PPIL1: variants seen among roughly 807,000 people sequenced by gnomAD.
The protein encoded by PPIL1 is peptidylprolyl isomerase like 1.
Under a neutral mutation model 19.4 loss-of-function variants are expected in PPIL1, and 14 were observed. That is an observed-to-expected ratio of 0.72 (90% CI 0.48 to 1.13). The LOEUF (loss-of-function observed/expected upper bound fraction) is 1.13. Among genes scored for constraint, PPIL1 ranks in the 50% most tolerant of loss-of-function variants. The pLI is 0.00. For synonymous variants in PPIL1, 72 were observed against 73.6 expected, an observed-to-expected ratio of 0.98 and a Z score of 0.11; for missense variants, 192 against 218.0, an observed-to-expected ratio of 0.88 and a Z score of 0.75.
chr6:36,855,818 C>G lies in PPIL1; in HGVS notation c.496G>C (p.Gly166Arg), dbSNP rs1161081777. ...DVKIIKAYPS[G>R] ...TGCTCAAGAGGGTAGCAAGTCTACC[C>G]AGAAGGGTATGCCTTAATGATCTTC... The change falls in exon 4 of 4, where the codon GGG becomes CGG. Residue 166 changes from glycine (G) to arginine (R), a missense_variant. Gly to Arg is a moderately radical substitution (Grantham distance 125, BLOSUM62 -2). Transcript: ENST00000373699. The G allele has an allele frequency of 6.2e-7, 1 of 1,614,172 alleles. No homozygotes were observed. Among genetic ancestry groups the G allele is most frequent in the Non-Finnish European group, 8.5e-7 (1 of 1,180,012 alleles).
At chr6:36,865,440 T>A (rs1359285076) in intron 2 of PPIL1, among the ~76,000 whole-genome samples, 1 of 152,190 alleles carries the variant, frequency 6.6e-6, no homozygotes, top group Admixed American at 6.5e-5. Context: ...TTTGATGCAT[T>A]TGTTCTGGGT....
rs1302646650 is a variant in PPIL1 at position 36,854,988 on chromosome 6, G to C, written c.*825C>G. The C allele has an allele frequency of 6.6e-6, 1 of 152,540 alleles. No individual in the cohort carries two copies. The highest frequency in any genetic ancestry group is 1.5e-5 in the Non-Finnish European group (1 of 68,016). 9.4% of individuals were successfully genotyped at this position (152,540 alleles called of 1,614,324 possible). A position where few individuals can be genotyped will look rare whatever the true frequency, so the allele number is the denominator to read the frequency against. ...TTGGACCTAATTTCTCTAAAGTCTTGGGTTAAAAGAACTTGAGTGGCGCTT... is the reference window on the plus strand; with the variant it reads ...TTGGACCTAATTTCTCTAAAGTCTTCGGTTAAAAGAACTTGAGTGGCGCTT... On this transcript the variant is annotated 3_prime_UTR_variant, in exon 4 of 4. Transcript: ENST00000373699.
At chr6:36,866,195 T>C (rs1263011910) in intron 2 of PPIL1, among the ~76,000 whole-genome samples, 1 of 151,954 alleles carries the variant, frequency 6.6e-6, no homozygotes, top group Non-Finnish European at 1.5e-5. Context: ...TATGGGAAAG[T>C]TGAAGGTAGA....
chr6:36,855,025 G>C lies in PPIL1; in HGVS notation c.*788C>G, dbSNP rs1315367809. On this transcript the variant is annotated 3_prime_UTR_variant, in exon 4 of 4. Coordinates refer to ENST00000373699, the MANE Select transcript of PPIL1 (RefSeq NM_016059.5). ...CTTGAGTGGCGCTTCTCCTTTCTGA[G>C]AGTACTACTTCTCAAGGAGGATTCA... 4 of 152,742 alleles carry C rather than the reference G, an allele frequency of 2.6e-5. No homozygotes were observed. The East Asian group carries it at 7.7e-4, about 29-fold the overall frequency. The allele number at this position is 152,742 out of a possible 1,614,324, so 9.5% of individuals were successfully genotyped here. A position where few individuals can be genotyped will look rare whatever the true frequency, so the allele number is the denominator to read the frequency against.
chr6:36,858,044 A>G (rs1774203240), intron 2 of PPIL1, among the ~76,000 whole-genome samples: 1 of 151,722 alleles, frequency 6.6e-6, no homozygotes, highest in Admixed American at 6.6e-5. Context: ...CCTGGCCAAC[A>G]TAGTGAAACC....
At position 36,856,113 on chromosome 6, in the gene PPIL1, T is replaced by C; in HGVS notation, c.281-80A>G. ...TAGAGCTGCTGCCCCATCCTAGGGATGAAAAAGCAGCCAGGACTTTGTTCT... is the reference window on the plus strand; with the variant it reads ...TAGAGCTGCTGCCCCATCCTAGGGACGAAAAAGCAGCCAGGACTTTGTTCT... On this transcript the variant is annotated intron_variant, in intron 3 of 3. Coordinates refer to ENST00000373699, the MANE Select transcript of PPIL1 (RefSeq NM_016059.5). The C allele has an allele frequency of 2.1e-6, 3 of 1,451,070 alleles. No homozygotes were observed. The South Asian group carries it at 3.8e-5, about 19-fold the overall frequency. 89.9% of individuals were successfully genotyped at this position (1,451,070 alleles called of 1,614,324 possible). A position where few individuals can be genotyped will look rare whatever the true frequency, so the allele number is the denominator to read the frequency against.
At chr6:36,871,594 A>G in intron 2 of PPIL1, 124 bp downstream of exon 2, 1 of 1,207,264 alleles carries the variant, frequency 8.3e-7, no homozygotes, top group South Asian at 1.5e-5. Context: ...AGTGGAAAAG[A>G]GAGCTCTGGC....
chr6:36,861,302 A>G (rs1774283199), intron 2 of PPIL1, among the ~76,000 whole-genome samples: 1 of 152,086 alleles, frequency 6.6e-6, no homozygotes, highest in Non-Finnish European at 1.5e-5. Flanking sequence ...ATTTCTCTGA[A>G]GTTTGGCATA....
chr6:36,857,664 T>C (rs1289929746), intron 2 of PPIL1, among the ~76,000 whole-genome samples: 1 of 152,062 alleles, frequency 6.6e-6, no homozygotes, highest in Non-Finnish European at 1.5e-5. Context: ...ATGCCTGTAG[T>C]CCCAGCTCCT....
chr6:36,856,634 A>G lies in PPIL1; in HGVS notation c.232T>C (p.Tyr78His). The change falls in exon 3 of 4, where the codon TAT becomes CAT. Residue 78 changes from tyrosine to histidine, a missense_variant. Coordinates refer to ENST00000373699, the MANE Select transcript of PPIL1 (RefSeq NM_016059.5). Reference protein sequence around the residue: ...TGTGRGGASIYGKQFEDELHP... With the variant: ...TGTGRGGASIHGKQFEDELHP... Reference sequence around the variant, plus strand: ...AGTTCATCTTCAAACTGTTTGCCATAGATAGATGCACCACCTCGACCTGCC... The same window carrying G: ...AGTTCATCTTCAAACTGTTTGCCATGGATAGATGCACCACCTCGACCTGCC... 2 of 1,614,172 alleles carry G rather than the reference A, an allele frequency of 1.2e-6. No individual in the cohort carries two copies. Among genetic ancestry groups the G allele is most frequent in the Non-Finnish European group, 8.5e-7 (1 of 1,180,006 alleles).
Position 36,855,480 on chromosome 6 carries a change from C to A in PPIL1, c.*333G>T. The A allele has an allele frequency of 3.2e-6, 1 of 310,464 alleles. No individual in the cohort carries two copies. Among genetic ancestry groups the A allele is most frequent in the South Asian group, 3.3e-5 (1 of 30,064 alleles). 19.2% of individuals were successfully genotyped at this position (310,464 alleles called of 1,614,324 possible). A position where few individuals can be genotyped will look rare whatever the true frequency, so the allele number is the denominator to read the frequency against. Reference sequence around the variant, plus strand: ...AGGAAGAAGTTTGGTTAGGCAAAACCACTGAGAAATGACAGTGGCTGCTAC... The same window carrying A: ...AGGAAGAAGTTTGGTTAGGCAAAACAACTGAGAAATGACAGTGGCTGCTAC... On this transcript the variant is annotated 3_prime_UTR_variant, in exon 4 of 4. Transcript: ENST00000373699.
chr6:36,874,507 A>G lies in PPIL1; in HGVS notation c.56+210T>C, dbSNP rs372595312. On this transcript the variant is annotated intron_variant, in intron 1 of 3. Coordinates refer to ENST00000373699, the MANE Select transcript of PPIL1 (RefSeq NM_016059.5). ...GGGGAAGGAGGACAATCAGGCAGCT[A>G]TTGCTGAGACCTCAGCACAAGACCC... Among the ~76,000 whole-genome samples the G allele has an allele frequency of 5.9e-5, 9 of 152,210 alleles. No individual in the cohort carries two copies. In the East Asian group the frequency reaches 9.6e-4, roughly 16 times the overall value.
chr6:36,870,833 AG>A, intron 2 of PPIL1, among the ~76,000 whole-genome samples: 1 of 152,168 alleles, frequency 6.6e-6, no homozygotes, highest in Non-Finnish European at 1.5e-5. Context: ...CATGTTGGTC[AG>A]GCTGGTCTTG....
chr6:36,863,033 A>C (rs1774321346), intron 2 of PPIL1, among the ~76,000 whole-genome samples: 1 of 152,204 alleles, frequency 6.6e-6, no homozygotes, highest in Admixed American at 6.5e-5. Context: ...AGTAGCAGTA[A>C]CACCTATGTC....
At chr6:36,865,277 C>A (rs1774371049) in intron 2 of PPIL1, among the ~76,000 whole-genome samples, 1 of 152,232 alleles carries the variant, frequency 6.6e-6, no homozygotes, top group Non-Finnish European at 1.5e-5. Context: ...TTATCCCAGA[C>A]TCAAGAGTCC....
intron 1 of PPIL1, 198 bp from the exon 2 acceptor site, chr6:36,872,070 C>T (rs1774521968): frequency 1.1e-5 from 5 of 464,230 alleles, no homozygotes; most frequent in Admixed American, 4.4e-5. Flanking sequence ...GAGTAAAACA[C>T]GCAGGTGTTC....
In PPIL1 at chr6:36,855,396, G is replaced by C. The variant is rs1413169107; in HGVS notation, c.*417C>G. On this transcript the variant is annotated 3_prime_UTR_variant, in exon 4 of 4. Coordinates refer to ENST00000373699, the MANE Select transcript of PPIL1 (RefSeq NM_016059.5). ...GGGCTGACAGACACTACTTGGTTTG[G>C]AATTCTGTGGCTGTCAGCCATCAAG... 1.3e-5 allele frequency: 3 copies of C among 229,898 alleles called. No homozygotes were observed. Among genetic ancestry groups the C allele is most frequent in the Admixed American group, 1.0e-4 (2 of 19,954 alleles). 14.2% of individuals were successfully genotyped at this position (229,898 alleles called of 1,614,324 possible).
At chr6:36,857,486 A>G (rs553190647) in intron 2 of PPIL1, among the ~76,000 whole-genome samples, 1 of 147,332 alleles carries the variant, frequency 6.8e-6, no homozygotes, top group African/African-American at 2.5e-5. Flanking sequence ...GACTCCATAA[A>G]TTTTTTTTTT....
intron 2 of PPIL1, among the ~76,000 whole-genome samples, chr6:36,865,249 A>C (rs181431633): frequency 2.0e-3 from 299 of 152,290 alleles, no homozygotes; most frequent in African/African-American, 5.8e-3. Context: ...AGCTGGATGA[A>C]ATTTCCTCAG....
Sources: allele counts gnomAD v4.1 joint callset (sites outside exome capture counted in the v4.1 genomes callset), GRCh38; gene constraint gnomAD v4.1.1; transcripts MANE v1.5; gene names NCBI Gene and HGNC (gene_info 2026-07-23, HGNC 2026-07-21).